The following BBS2 variants were observed in gnomAD, a reference collection of about 807,000 sequenced individuals.
The protein encoded by BBS2 is Bardet-Biedl syndrome 2.
A neutral mutation model predicts 83.0 loss-of-function variants in BBS2; 62 were observed. The ratio of observed to expected loss-of-function variants is 0.75; its 90% CI spans 0.61 to 0.92. The LOEUF is 0.92. Ranked by LOEUF, BBS2 falls within the 40% of genes least tolerant of loss-of-function variation. BBS2 has a pLI of 0.00. For synonymous variants in BBS2, 303 were observed against 326.1 expected (o/e 0.93, Z 0.76); for missense variants, 784 against 901.0 (o/e 0.87, Z 1.66).
At chr16:56,489,335 T>C (rs1184019093) in intron 15 of BBS2, among the ~76,000 whole-genome samples, 6 of 151,916 alleles carry the variant, frequency 3.9e-5, no homozygotes, top group African/African-American at 1.5e-4. Context: ...AATAAGATTC[T>C]GTCTCAAAAT....
chr16:56,485,460 G>A (rs1963748933), intron 16 of BBS2, 130 bp downstream of exon 16: 8 of 1,249,114 alleles, frequency 6.4e-6, no homozygotes, highest in Non-Finnish European at 9.4e-6. Context: ...AGTGACTGGT[G>A]CCAGCTCTGG....
At chr16:56,493,142 T>G (rs1964008602) in intron 15 of BBS2, among the ~76,000 whole-genome samples, 1 of 152,008 alleles carries the variant, frequency 6.6e-6, no homozygotes, top group African/African-American at 2.4e-5. Context: ...ATCCCAGCAC[T>G]TTGGGAAGCC....
chr16:56,475,663 G>A, intron 17 of BBS2: 2 of 953,554 alleles, frequency 2.1e-6, no homozygotes, highest in Non-Finnish European at 3.3e-6. Context: ...AGTGTCTTTA[G>A]CTAATAAATC....
chr16:56,515,453 C>G (rs1196982098), intron 1 of BBS2, among the ~76,000 whole-genome samples: 1 of 152,058 alleles, frequency 6.6e-6, no homozygotes, highest in South Asian at 2.1e-4. Context: ...AAAAGAGATA[C>G]AAAGTATATC....
intron 2 of BBS2, among the ~76,000 whole-genome samples, chr16:56,513,950 T>C (rs1164155987): frequency 1.3e-5 from 2 of 152,208 alleles, no homozygotes; most frequent in Non-Finnish European, 2.9e-5. Context: ...TGGTAAAAAA[T>C]CTGGATTCAA....
At position 56,497,195 on chromosome 16, in the gene BBS2, ATACCAATTAAGCTAC is replaced by A. The variant is rs1964139387; in HGVS notation, c.1798-131_1798-117del. Reference sequence around the variant, plus strand: ...ACCCCCTTCTTTCCCCTGTTCGCTTATACCAATTAAGCTACTTCCCGTTATTTCATCTCTGTCTCA... The same window carrying A: ...ACCCCCTTCTTTCCCCTGTTCGCTTATTCCCGTTATTTCATCTCTGTCTCA... On this transcript the variant is annotated intron_variant, in intron 14 of 16. Coordinates refer to ENST00000245157, the MANE Select transcript of BBS2 (RefSeq NM_031885.5). The A allele has an allele frequency of 2.6e-6, 2 of 773,084 alleles. 1 individual carries two copies. The highest frequency in any genetic ancestry group is 2.8e-5 in the South Asian group (2 of 72,228). The allele number at this position is 773,084 out of a possible 1,614,324, so 47.9% of individuals were successfully genotyped here.
chr16:56,472,739 A>G lies in BBS2; in HGVS notation c.*1-2044T>C, dbSNP rs114263739. On this transcript the variant is annotated intron_variant, in intron 17 of 17. Coordinates refer to the BBS2 transcript ENST00000682047. ...TGTAGACATATACATGTATACACATATGGGGGGTATATTTTTACACATCTA... is the reference window on the plus strand; with the variant it reads ...TGTAGACATATACATGTATACACATGTGGGGGGTATATTTTTACACATCTA... 3.2e-3 allele frequency among the ~76,000 whole-genome samples: 494 copies of G among 152,254 alleles called. 6 individuals are homozygous for G. Among genetic ancestry groups the G allele is most frequent in the African/African-American group, 0.011 (452 of 41,550 alleles).
chr16:56,501,182 C>G, intron 10 of BBS2, 157 bp from the exon 11 acceptor site: 1 of 1,243,188 alleles, frequency 8.0e-7, no homozygotes, highest in Non-Finnish European at 1.2e-6. Context: ...TGGTGGTGGG[C>G]GCCTGTAGTC....
intron 17 of BBS2, chr16:56,475,383 G>A: frequency 1.2e-6 from 1 of 865,958 alleles, no homozygotes. Context: ...ATAAGTCATA[G>A]AACCAGTTAC....
At chr16:56,503,570 G>C (rs867311722) in intron 7 of BBS2, among the ~76,000 whole-genome samples, 7 of 152,062 alleles carry the variant, frequency 4.6e-5, no homozygotes, top group African/African-American at 1.7e-4. Context: ...ATAAATAAAT[G>C]ACTGATCAGA....
chr16:56,511,184 T>C lies in BBS2; in HGVS notation c.446A>G (p.His149Arg). 1.9e-6 allele frequency: 3 copies of C among 1,614,138 alleles called. No homozygotes were observed. Among genetic ancestry groups the C allele is most frequent in the Non-Finnish European group, 2.5e-6 (3 of 1,180,022 alleles). The change falls in exon 3 of 17, where the codon CAT (histidine) becomes CGT (arginine). Residue 149 changes from histidine (H) to arginine (R), a missense_variant. Coordinates refer to ENST00000245157, the MANE Select transcript of BBS2 (RefSeq NM_031885.5). ...CGTCCAAAAGAGATCACTTCCTTCA[T>C]GATTGAAACCTTGCAGAGCACAATT... ...GGNCALQGFNHEGSDLFWTVT... is the reference protein window; with the variant it reads ...GGNCALQGFNREGSDLFWTVT...
At chr16:56,476,250 C>A (rs368460293) in intron 17 of BBS2, 1 of 1,569,546 alleles carries the variant, frequency 6.4e-7, no homozygotes, top group Non-Finnish European at 8.7e-7. Flanking sequence ...TTCGTAATTA[C>A]TGGGAAGTCT....
chr16:56,485,611 G>A lies in BBS2; in HGVS notation c.2038C>T (p.Gln680Ter), dbSNP rs1555520220. The A allele has an allele frequency of 6.2e-7, 1 of 1,614,100 alleles. No individual in the cohort carries two copies. Among genetic ancestry groups the A allele is most frequent in the East Asian group, 2.2e-5 (1 of 44,874 alleles). The change falls in exon 16 of 17, where the codon CAA becomes TAA. Residue 680 changes from glutamine to a stop codon, truncating the protein, a stop_gained. Coordinates refer to ENST00000245157, the MANE Select transcript of BBS2 (RefSeq NM_031885.5). LOFTEE classifies it high-confidence loss of function. Reference sequence around the variant, plus strand: ...TTACCCCGCAGACGACCTGCTCTTTGAATTGCTTGATTTACTGCTTTGAGG... The same window carrying A: ...TTACCCCGCAGACGACCTGCTCTTTAAATTGCTTGATTTACTGCTTTGAGG... Reference protein sequence around the residue: ...GNLKAVNQAIQRAGRLRVGKP... With the variant: ...GNLKAVNQAI
chr16:56,490,491 C>G (rs940934680), intron 15 of BBS2, among the ~76,000 whole-genome samples: 1 of 151,806 alleles, frequency 6.6e-6, no homozygotes, highest in Non-Finnish European at 1.5e-5. Flanking sequence ...AACCTCGTCT[C>G]TACTAAAAAT....
At position 56,515,426 on chromosome 16, in the gene BBS2, C is replaced by T. The variant is rs556328044; in HGVS notation, c.118-746G>A. Among the ~76,000 whole-genome samples, 6 of 152,142 alleles carry T rather than the reference C, an allele frequency of 3.9e-5. No homozygotes were observed. In the East Asian group the frequency reaches 1.2e-3, roughly 29 times the overall value. On this transcript the variant is annotated intron_variant, in intron 1 of 16. Transcript: ENST00000245157. ...TGCGATGGGGAATCGTGTAGCCCTT[C>T]GCAGGACCACAGTACAAAAAGAGAT... is the stretch of plus-strand genomic sequence containing the variant.
chr16:56,482,351 CATTT>C (rs547265546), downstream of BBS2, among the ~76,000 whole-genome samples: 101 of 151,996 alleles, frequency 6.6e-4, no homozygotes, highest in African/African-American at 2.2e-3. Context: ...CTGTGAGGCA[CATTT>C]ATTTATTTAT....
Position 56,490,911 on chromosome 16 carries a change from G to A in BBS2, c.1911-5173C>T, listed in dbSNP as rs184679167. Among the ~76,000 whole-genome samples, 260 of 151,692 alleles carry A rather than the reference G, an allele frequency of 1.7e-3. 1 individual carries two copies. In the East Asian group the frequency reaches 0.017, roughly 10 times the overall value. On this transcript the variant is annotated intron_variant, in intron 15 of 16. Transcript: ENST00000245157. Reference sequence around the variant, plus strand: ...CGAATAGCTGGGACTACAGGCGCCCGCCACCACGACCGGCTGATTTTTTGT... The same window carrying A: ...CGAATAGCTGGGACTACAGGCGCCCACCACCACGACCGGCTGATTTTTTGT...
At chr16:56,514,289 G>A (rs922414936) in intron 2 of BBS2, among the ~76,000 whole-genome samples, 164 bp downstream of exon 2, 3 of 152,084 alleles carry the variant, frequency 2.0e-5, no homozygotes, top group Admixed American at 6.5e-5. Flanking sequence ...AATAAGTTCC[G>A]AGTACATAAA....
intron 12 of BBS2, chr16:56,499,503 A>AATACTAC: frequency 2.5e-6 from 1 of 394,492 alleles, no homozygotes; most frequent in Non-Finnish European, 4.8e-6. Flanking sequence ...ACACCAGGAC[A>AATACTAC]ACCACACTAA....
Sources: allele counts gnomAD v4.1 joint callset (sites outside exome capture counted in the v4.1 genomes callset), GRCh38; gene constraint gnomAD v4.1.1; transcripts MANE v1.5; gene names NCBI Gene and HGNC (gene_info 2026-07-23, HGNC 2026-07-21).